CSMD2: variants seen among roughly 807,000 people sequenced by gnomAD.
The protein encoded by CSMD2 is CUB and Sushi multiple domains 2.
Under a neutral mutation model 398.5 loss-of-function variants are expected in CSMD2, and 130 were observed. The ratio of observed to expected loss-of-function variants is 0.33; its 90% confidence interval spans 0.28 to 0.38. CSMD2 has a LOEUF of 0.38. Among genes scored for constraint, CSMD2 ranks in the 10% least tolerant of loss-of-function variants. The probability of loss-of-function intolerance (pLI) is 1.00; values close to 1 mark genes in which losing one functional copy is unlikely to be tolerated. For missense variants in CSMD2, 3,829 were observed against 4,764.9 expected, an observed-to-expected ratio of 0.80 and a Z score of 5.78; for synonymous variants, 1,828 against 1,908.5, an observed-to-expected ratio of 0.96 and a Z score of 1.10.
At chr1:33,743,917 T>C (rs1442937905) in intron 13 of CSMD2, among the ~76,000 whole-genome samples, 1 of 152,204 alleles carries the variant, frequency 6.6e-6, no homozygotes, top group African/African-American at 2.4e-5. Context: ...ATTATTTCTA[T>C]CAATCCATCC....
intron 44 of CSMD2, among the ~76,000 whole-genome samples, chr1:33,590,424 C>T (rs1363225488): frequency 1.3e-5 from 2 of 149,708 alleles, no homozygotes; most frequent in Admixed American, 6.8e-5. Flanking sequence ...AGGTGTGAGT[C>T]ACTGTGCCTG....
intron 25 of CSMD2, among the ~76,000 whole-genome samples, chr1:33,686,234 AT>A (rs1645058559): frequency 6.6e-6 from 1 of 152,168 alleles, no homozygotes; most frequent in Non-Finnish European, 1.5e-5. Context: ...TCGCCCACTG[AT>A]TATTAAAAAC....
chr1:33,694,836 G>A (rs908590016), intron 24 of CSMD2, among the ~76,000 whole-genome samples: 1 of 152,172 alleles, frequency 6.6e-6, no homozygotes, highest in Admixed American at 6.5e-5. Flanking sequence ...AGCCTCCTAG[G>A]GAGGAACATG....
intron 5 of CSMD2, among the ~76,000 whole-genome samples, chr1:33,876,082 A>G (rs1241056190): frequency 6.6e-6 from 1 of 152,216 alleles, no homozygotes; most frequent in African/African-American, 2.4e-5. Flanking sequence ...CCTTCTCAGC[A>G]GGCCCTGTTA....
intron 6 of CSMD2, among the ~76,000 whole-genome samples, chr1:33,844,812 C>A (rs1661200822): frequency 6.6e-6 from 1 of 152,196 alleles, no homozygotes; most frequent in South Asian, 2.1e-4. Context: ...TCTTTATACA[C>A]TGGCGCACAC....
intron 11 of CSMD2, among the ~76,000 whole-genome samples, chr1:33,790,058 G>A (rs1351819282): frequency 6.6e-6 from 1 of 152,178 alleles, no homozygotes; most frequent in Non-Finnish European, 1.5e-5. Context: ...CTATGTCAAA[G>A]CACATTGGGA....
chr1:33,741,911 C>T (rs757761923), intron 14 of CSMD2, among the ~76,000 whole-genome samples: 20 of 152,288 alleles, frequency 1.3e-4, no homozygotes, highest in Non-Finnish European at 2.6e-4. Context: ...CTTCCTACTC[C>T]GCCAGGGCAA....
intron 14 of CSMD2, among the ~76,000 whole-genome samples, chr1:33,739,713 G>A (rs1569627353): frequency 1.3e-5 from 2 of 152,142 alleles, no homozygotes; most frequent in Non-Finnish European, 2.9e-5. Flanking sequence ...TCTCCTCAAT[G>A]TCAAATCCAT....
At chr1:33,893,009 G>A (rs1642130349) in intron 5 of CSMD2, among the ~76,000 whole-genome samples, 1 of 152,166 alleles carries the variant, frequency 6.6e-6, no homozygotes, top group African/African-American at 2.4e-5. Context: ...TATCAAAAAT[G>A]ATTAATGGGA....
chr1:34,079,844 G>C (rs545899588), intron 2 of CSMD2, among the ~76,000 whole-genome samples: 2 of 152,068 alleles, frequency 1.3e-5, no homozygotes, highest in Non-Finnish European at 2.9e-5. Context: ...GGAAGTAACA[G>C]TAAGGACGCT....
chr1:33,833,700 G>A (rs927478570), intron 6 of CSMD2, among the ~76,000 whole-genome samples: 5 of 151,404 alleles, frequency 3.3e-5, no homozygotes, highest in Non-Finnish European at 5.9e-5. Flanking sequence ...TAGGAAAAGA[G>A]GAAGTCAAAT....
intron 5 of CSMD2, among the ~76,000 whole-genome samples, chr1:33,905,683 T>C (rs1475194600): frequency 6.6e-6 from 1 of 152,190 alleles, no homozygotes; most frequent in African/African-American, 2.4e-5. Context: ...TTTATGGTGT[T>C]AGAAGTGCTC....
At chr1:33,970,733 G>A (rs1028570284) in intron 3 of CSMD2, among the ~76,000 whole-genome samples, 3 of 152,208 alleles carry the variant, frequency 2.0e-5, no homozygotes, top group African/African-American at 4.8e-5. Context: ...ATGTCCATAT[G>A]TGTCCACTTG....
intron 3 of CSMD2, among the ~76,000 whole-genome samples, chr1:33,945,064 C>T (rs528690): frequency 0.29 from 44,220 of 151,816 alleles, 6,743 homozygotes; most frequent in Middle Eastern, 0.46. Flanking sequence ...ACCAGAGGGG[C>T]CACAGAGAGG....
At chr1:33,649,707 C>T (rs1403894373) in intron 28 of CSMD2, among the ~76,000 whole-genome samples, 3 of 152,104 alleles carry the variant, frequency 2.0e-5, no homozygotes, top group Non-Finnish European at 4.4e-5. Context: ...TGAAGACCTG[C>T]TATACTTTGT....
Position 33,622,269 on chromosome 1 carries a change from T to C in CSMD2, c.5725A>G (p.Thr1909Ala), listed in dbSNP as rs1557636480. 1.2e-6 allele frequency: 2 copies of C among 1,612,592 alleles called. No individual in the cohort carries two copies. The highest frequency in any genetic ancestry group is 2.2e-5 in the East Asian group (1 of 44,876). The change falls in exon 37 of 71, where the codon ACA becomes GCA. Residue 1909 changes from threonine to alanine, a missense_variant and splice_region_variant. Thr to Ala is a moderately conservative substitution (Grantham distance 58). Transcript: ENST00000373381. ...TVTMLGSFSG[T>A]TVPALLNSTS... ...CTGTTCAGAAGGGCAGGCACGGTTG[T>C]TCCTAGGGCAAGGACACCAGGGAAA...
rs138481254 is a variant in CSMD2 at position 33,540,263 on chromosome 1, T to TAA, written c.9631+260_9631+261dup. On this transcript the variant is annotated intron_variant, in intron 60 of 70. Coordinates refer to ENST00000373381, the MANE Select transcript of CSMD2 (RefSeq NM_001281956.2). ...TCCATACAGTTAACAACCCTTCAGG[T>TAA]AAAAAAAAAAACACCCCCAATATCT... Among the ~76,000 whole-genome samples, 1,043 of 145,948 alleles carry TAA rather than the reference T, an allele frequency of 7.1e-3. 9 individuals carry two copies. Among genetic ancestry groups the TAA allele is most frequent in the South Asian group, 0.014 (65 of 4,650 alleles).
At chr1:34,052,168 TACACACAC>T (rs35006153) in intron 2 of CSMD2, among the ~76,000 whole-genome samples, 14 of 147,026 alleles carry the variant, frequency 9.5e-5, no homozygotes, top group African/African-American at 1.5e-4. Flanking sequence ...AGCATATGTA[TACACACAC>T]ACACACACAC....
intron 25 of CSMD2, among the ~76,000 whole-genome samples, chr1:33,672,670 T>C (rs950898180): frequency 6.6e-6 from 1 of 152,192 alleles, no homozygotes; most frequent in South Asian, 2.1e-4. Flanking sequence ...CCGCCTCAAG[T>C]GGGTCCCTGA....
Sources: allele counts gnomAD v4.1 joint callset (sites outside exome capture counted in the v4.1 genomes callset), GRCh38; gene constraint gnomAD v4.1.1; transcripts MANE v1.5; gene names NCBI Gene and HGNC (gene_info 2026-07-23, HGNC 2026-07-21).